SLC22A14: variants seen among roughly 807,000 people sequenced by gnomAD.
SLC22A14 encodes solute carrier family 22 member 14.
Under a neutral mutation model 53.9 loss-of-function variants are expected in SLC22A14, and 50 were observed. That is an observed-to-expected ratio of 0.93 (90% CI 0.74 to 1.17). The LOEUF (loss-of-function observed/expected upper bound fraction) is 1.17, where lower values mean the gene tolerates loss of function less well. Ranked by LOEUF, SLC22A14 falls within the 50% of genes most tolerant of loss-of-function variation. The pLI, the probability that SLC22A14 is intolerant of heterozygous loss-of-function variation, is 0.00. For missense variants in SLC22A14, 671 were observed against 734.7 expected (o/e 0.91, Z 1.00); for synonymous variants, 312 against 303.0 (o/e 1.03, Z -0.31).
At chr3:38,316,559 G>A (rs768227488) in intron 10 of SLC22A14, 35 bp downstream of exon 10, 28 of 1,580,668 alleles carry the variant, frequency 1.8e-5, no homozygotes, top group South Asian at 8.9e-5. Flanking sequence ...GTGCCAGCAC[G>A]GGGCCTGGCT....
At chr3:38,298,422 ACAT>A (rs892582242) in intron 1 of SLC22A14, among the ~76,000 whole-genome samples, 16 of 133,544 alleles carry the variant, frequency 1.2e-4, no homozygotes, top group South Asian at 2.5e-4. Context: ...ACTTGCACAC[ACAT>A]CTATCTATCT....
chr3:38,279,364 C>T (rs373178681), upstream of SLC22A14, among the ~76,000 whole-genome samples: 53 of 152,306 alleles, frequency 3.5e-4, 2 homozygotes, highest in East Asian at 5.4e-3. Flanking sequence ...AGGCAGTTTC[C>T]TCCTCTAAGA....
intron 2 of SLC22A14, among the ~76,000 whole-genome samples, 199 bp downstream of exon 2, chr3:38,306,741 G>C (rs543185436): frequency 3.3e-5 from 5 of 152,308 alleles, no homozygotes; most frequent in South Asian, 2.1e-4. Flanking sequence ...GAGTACATTT[G>C]GGGTAGAGAT....
At chr3:38,306,693 A>T in intron 2 of SLC22A14, 151 bp downstream of exon 2, 1 of 747,674 alleles carries the variant, frequency 1.3e-6, no homozygotes, top group Non-Finnish European at 2.2e-6. Flanking sequence ...GCAGAAAATT[A>T]GATTCCTGTT....
intron 5 of SLC22A14, among the ~76,000 whole-genome samples, chr3:38,312,592 G>C (rs1704497138): frequency 1.3e-5 from 2 of 152,200 alleles, no homozygotes; most frequent in South Asian, 4.1e-4. Context: ...AGACAGATAG[G>C]GAACAGGAGA....
intron 1 of SLC22A14, among the ~76,000 whole-genome samples, chr3:38,285,465 TA>T (rs994181740): frequency 2.0e-5 from 3 of 152,146 alleles, no homozygotes; most frequent in East Asian, 1.9e-4. Flanking sequence ...TCCTTGCTGT[TA>T]AAAAAAATCT....
Position 38,316,459 on chromosome 3 carries a change from C to A in SLC22A14, c.1668C>A (p.Ser556=). ...CVLAIVAFSL[S]SLLPETRDQP... is the part of the protein sequence containing the mutation. ...TAGCCATCGTGGCCTTTTCCCTCTC[C>A]TCCCTGCTGCCGGAAACGCGAGATC... is the stretch of plus-strand genomic sequence containing the variant. The change falls in exon 10 of 11, where the codon TCC becomes TCA. Residue 556 remains serine, a synonymous_variant. Coordinates refer to ENST00000448498, the MANE Select transcript of SLC22A14 (RefSeq NM_001320033.2). The A allele has an allele frequency of 6.2e-7, 1 of 1,614,180 alleles. No homozygotes were observed. The highest frequency in any genetic ancestry group is 8.5e-7 in the Non-Finnish European group (1 of 1,179,992).
chr3:38,314,949 G>A (rs1044865579), intron 8 of SLC22A14, among the ~76,000 whole-genome samples: 1 of 152,270 alleles, frequency 6.6e-6, no homozygotes, highest in Non-Finnish European at 1.5e-5. Flanking sequence ...TGGAATGGGA[G>A]TAAGGCCGGG....
Position 38,282,350 on chromosome 3 carries a change from G to T in SLC22A14, c.-1+11G>T, listed in dbSNP as rs1703687361. 6.6e-6 allele frequency: 1 copy of T among 152,460 alleles called. No individual in the cohort carries two copies. Among genetic ancestry groups the T allele is most frequent in the African/African-American group, 2.4e-5 (1 of 41,438 alleles). 9.4% of individuals were successfully genotyped at this position (152,460 alleles called of 1,614,324 possible). On this transcript the variant is annotated intron_variant, in intron 1 of 10. Transcript: ENST00000448498. ...CTGGATTGTGGTCAGGTGGGCCCTG[G>T]CTTTGGCTTGCGGTCCTGCCTACAG...
Position 38,307,925 on chromosome 3 carries a change from T to G in SLC22A14, c.775+205T>G. On this transcript the variant is annotated intron_variant, in intron 4 of 10. Transcript: ENST00000448498. This position sits in a 1 kb window ranked among gnomAD's most constrained non-coding sequence, Gnocchi z 4.4. Reference sequence around the variant, plus strand: ...CAGGACACAGAGTCAGGGGCCTAATTGGACAGGCAGAAGTGGAAGGGATCT... The same window carrying G: ...CAGGACACAGAGTCAGGGGCCTAATGGGACAGGCAGAAGTGGAAGGGATCT... 1 of 595,772 alleles carries G rather than the reference T, an allele frequency of 1.7e-6. No individual in the cohort carries two copies. Among genetic ancestry groups the G allele is most frequent in the Non-Finnish European group, 3.0e-6 (1 of 336,766 alleles). The allele number at this position is 595,772 out of a possible 1,614,324, so 36.9% of individuals were successfully genotyped here. A position where few individuals can be genotyped will look rare whatever the true frequency, so the allele number is the denominator to read the frequency against.
intron 1 of SLC22A14, among the ~76,000 whole-genome samples, chr3:38,284,286 C>G (rs1209354603): frequency 6.6e-6 from 1 of 152,208 alleles, no homozygotes; most frequent in Admixed American, 6.5e-5. Flanking sequence ...GTGGCCCTAG[C>G]CTTGGCTAGG....
chr3:38,289,603 T>A (rs1387326531), intron 1 of SLC22A14, among the ~76,000 whole-genome samples: 1 of 152,164 alleles, frequency 6.6e-6, no homozygotes, highest in Non-Finnish European at 1.5e-5. Context: ...AAGAGAACCA[T>A]GAAACCCAGC....
At chr3:38,296,949 C>T (rs141152996) in intron 1 of SLC22A14, among the ~76,000 whole-genome samples, 15 of 152,272 alleles carry the variant, frequency 9.9e-5, no homozygotes, top group East Asian at 1.9e-4. Context: ...CAGTGGTGGA[C>T]GGCGAGTGAA....
At chr3:38,289,466 C>T (rs28750507) in intron 1 of SLC22A14, among the ~76,000 whole-genome samples, 1 of 152,154 alleles carries the variant, frequency 6.6e-6, no homozygotes, top group African/African-American at 2.4e-5. Context: ...TGGTGGCGGG[C>T]TGCTTCCAAG....
At chr3:38,288,889 A>T (rs966676369) in intron 1 of SLC22A14, among the ~76,000 whole-genome samples, 4 of 152,118 alleles carry the variant, frequency 2.6e-5, no homozygotes, top group Admixed American at 2.6e-4. Context: ...GTTTTAACAA[A>T]AGTTGTGAGA....
intron 1 of SLC22A14, among the ~76,000 whole-genome samples, chr3:38,288,135 A>G (rs1703831783): frequency 6.6e-6 from 1 of 152,124 alleles, no homozygotes; most frequent in Non-Finnish European, 1.5e-5. Flanking sequence ...CCACCATTCT[A>G]CTTTCTGTGT....
At chr3:38,317,394 C>T (rs1363605551) in intron 10 of SLC22A14, among the ~76,000 whole-genome samples, 1 of 152,212 alleles carries the variant, frequency 6.6e-6, no homozygotes, top group Non-Finnish European at 1.5e-5. Flanking sequence ...ATGATGCAAA[C>T]AGTTCCTGCT....
intron 1 of SLC22A14, among the ~76,000 whole-genome samples, chr3:38,295,776 G>C (rs867517053): frequency 1.5e-5 from 2 of 137,538 alleles, no homozygotes; most frequent in East Asian, 4.9e-4. Context: ...CTCTCTGTCT[G>C]TCTCTGTCTG....
upstream of SLC22A14, among the ~76,000 whole-genome samples, chr3:38,279,244 C>T (rs1559539148): frequency 6.6e-6 from 1 of 152,206 alleles, no homozygotes; most frequent in African/African-American, 2.4e-5. Flanking sequence ...ATGGCATCCT[C>T]TTGGGGAATA....
Sources: allele counts gnomAD v4.1 joint callset (sites outside exome capture counted in the v4.1 genomes callset), GRCh38; gene constraint gnomAD v4.1.1; non-coding constraint Gnocchi (gnomAD v3.1); transcripts MANE v1.5; gene names NCBI Gene and HGNC (gene_info 2026-07-23, HGNC 2026-07-21).